The following STARD4 variants were observed in gnomAD, a reference collection of about 807,000 sequenced individuals.
STARD4 encodes StAR related lipid transfer domain containing 4, also known as stAR-related lipid transfer protein 4.
A neutral mutation model predicts 24.9 loss-of-function variants in STARD4; 33 were observed. That is an observed-to-expected ratio of 1.32 (90% CI 1.00 to 1.77). The LOEUF (loss-of-function observed/expected upper bound fraction) is 1.77, where lower values mean the gene tolerates loss of function less well. STARD4 is among the 40% of genes most tolerant of loss of function. The pLI is 0.00. For synonymous variants in STARD4, 88 were observed against 77.4 expected, an observed-to-expected ratio of 1.14 and a Z score of -0.72; for missense variants, 238 against 249.3, an observed-to-expected ratio of 0.95 and a Z score of 0.31.
chr5:111,506,493 C>T, intron 2 of STARD4, 114 bp from the exon 3 acceptor site: 1 of 444,894 alleles, frequency 2.2e-6, no homozygotes, highest in Non-Finnish European at 4.0e-6. Context: ...AAAACCAGTA[C>T]ATTTTCAGAA....
rs140015209 is a variant in STARD4 at position 111,497,518 on chromosome 5, T to A, written c.*2368A>T. On this transcript the variant is annotated 3_prime_UTR_variant, in exon 6 of 6. Coordinates refer to ENST00000296632, the MANE Select transcript of STARD4 (RefSeq NM_139164.3). The stretch of plus-strand genomic sequence containing the variant: ...TGCATACCAGATTTCAAAAAATTAG[T>A]ACAAGAAATAGTACAAACTATCAGA... 2.8e-4 allele frequency: 43 copies of A among 152,162 alleles called. No homozygotes were observed. Among genetic ancestry groups the A allele is most frequent in the Non-Finnish European group, 4.6e-4 (31 of 67,918 alleles). The allele number at this position is 152,162 out of a possible 1,614,324, so 9.4% of individuals were successfully genotyped here.
rs1756281566 is a variant in STARD4, at chr5:111,499,669, T to A, written c.*217A>T. ...CTGCCCTCCAGCATGGGCAACAGAG[T>A]GAGAGCCTGTCTCAAAATTTAAAAA... On this transcript the variant is annotated 3_prime_UTR_variant, in exon 6 of 6. Transcript: ENST00000296632. The A allele has an allele frequency of 1.9e-6, 1 of 538,934 alleles. No homozygotes were observed. Among genetic ancestry groups the A allele is most frequent in the Admixed American group, 3.3e-5 (1 of 30,706 alleles). The allele number at this position is 538,934 out of a possible 1,614,324, so 33.4% of individuals were successfully genotyped here.
Position 111,498,072 on chromosome 5 carries a change from G to A in STARD4, c.*1814C>T, listed in dbSNP as rs1756195196. On this transcript the variant is annotated 3_prime_UTR_variant, in exon 6 of 6. Transcript: ENST00000296632. ...TAAAAGTGGGTAAATTACATAATAT[G>A]TAAATTATATATCAATAAAGCTGTT... The A allele has an allele frequency of 6.6e-6, 1 of 151,998 alleles. No homozygotes were observed. The highest frequency in any genetic ancestry group is 6.6e-5 in the Admixed American group (1 of 15,254). The allele number at this position is 151,998 out of a possible 1,614,324, so 9.4% of individuals were successfully genotyped here.
At chr5:111,511,358 C>T (rs1398820059) in intron 1 of STARD4, among the ~76,000 whole-genome samples, 4 of 152,136 alleles carry the variant, frequency 2.6e-5, no homozygotes, top group Admixed American at 1.3e-4. Context: ...TCACTTACTA[C>T]ATGGTCAGTC....
At chr5:111,502,176 G>A (rs1159372751) in intron 3 of STARD4, 88 bp from the exon 4 acceptor site, 1 of 1,475,080 alleles carries the variant, frequency 6.8e-7, no homozygotes, top group Admixed American at 2.2e-5. Context: ...TGAAAGTAAG[G>A]AAAAAAATTA....
intron 4 of STARD4, 62 bp downstream of exon 4, chr5:111,501,900 C>A: frequency 6.2e-7 from 1 of 1,600,250 alleles, no homozygotes; most frequent in Non-Finnish European, 8.5e-7. Flanking sequence ...CATGCTCTGG[C>A]TCACTCATGC....
At position 111,501,410 on chromosome 5, in the gene STARD4, G is replaced by A. The variant is rs187925324; in HGVS notation, c.283-294C>T. ...TAACATTCCAAATGGAATTAGGGAT[G>A]TAGACTGTTTCAGTGTTTAAGATCA... On this transcript the variant is annotated intron_variant, in intron 4 of 5. Coordinates refer to ENST00000296632, the MANE Select transcript of STARD4 (RefSeq NM_139164.3). Among the ~76,000 whole-genome samples, 4 of 152,292 alleles carry A rather than the reference G, an allele frequency of 2.6e-5. No individual in the cohort carries two copies. In the East Asian group the frequency reaches 7.7e-4, roughly 29 times the overall value.
chr5:111,504,384 AT>A (rs1232810929), intron 3 of STARD4, among the ~76,000 whole-genome samples: 3 of 152,226 alleles, frequency 2.0e-5, no homozygotes, highest in African/African-American at 7.2e-5. Flanking sequence ...ATAATATTTA[AT>A]AAAAAAAGGC....
In STARD4 at chr5:111,503,727, C is replaced by T. The variant is rs189632467; in HGVS notation, c.156-1639G>A. Among the ~76,000 whole-genome samples the T allele has an allele frequency of 6.3e-3, 961 of 152,132 alleles. 8 individuals carry two copies. The highest frequency in any genetic ancestry group is 0.029 in the South Asian group (137 of 4,806). On this transcript the variant is annotated intron_variant, in intron 3 of 5. Transcript: ENST00000296632. ...GTGACCTCAGAGTACAGGGGGATTT[C>T]TTGAATATGTAAAACACAGAAAAAC...
chr5:111,500,602 T>C, intron 5 of STARD4: 1 of 1,112,006 alleles, frequency 9.0e-7, no homozygotes, highest in Non-Finnish European at 1.1e-6. Context: ...GTATTTTTAA[T>C]CTTGAAAAGA....
rs1198158871 is a variant in STARD4, at chr5:111,507,533, C to A, written c.-9-91G>T. ...CGAATCTGGTTTCACAATATAATAA[C>A]CTACCAGAGCTATAAAAGATAGCTA... On this transcript the variant is annotated intron_variant, in intron 1 of 5. Transcript: ENST00000296632. The surrounding 1 kb of genome is among the most constrained non-coding windows in gnomAD (Gnocchi z 4.4). 5.9e-6 allele frequency: 5 copies of A among 845,588 alleles called. No homozygotes were observed. The highest frequency in any genetic ancestry group is 1.7e-5 in the African/African-American group (1 of 57,828). 52.4% of individuals were successfully genotyped at this position (845,588 alleles called of 1,614,324 possible).
At chr5:111,505,656 G>C (rs191394253) in intron 3 of STARD4, among the ~76,000 whole-genome samples, 1 of 152,214 alleles carries the variant, frequency 6.6e-6, no homozygotes, top group East Asian at 1.9e-4. Context: ...TGCTGTGATA[G>C]AAGAGCAAGT....
At chr5:111,505,765 A>C (rs1756807820) in intron 3 of STARD4, among the ~76,000 whole-genome samples, 1 of 152,212 alleles carries the variant, frequency 6.6e-6, no homozygotes, top group Non-Finnish European at 1.5e-5. Flanking sequence ...TAGAAGGGTC[A>C]TGTATACAAT....
chr5:111,511,663 G>A (rs1206880069), intron 1 of STARD4, among the ~76,000 whole-genome samples: 1 of 152,164 alleles, frequency 6.6e-6, no homozygotes, highest in African/African-American at 2.4e-5. Flanking sequence ...AACCCAGGGC[G>A]TCTGACTTCA....
At chr5:111,501,829 C>A (rs1756472487) in intron 4 of STARD4, 133 bp downstream of exon 4, 1 of 1,266,082 alleles carries the variant, frequency 7.9e-7, no homozygotes, top group Admixed American at 2.2e-5. Context: ...CCTGTGATAT[C>A]TTTGTCGTGA....
Position 111,507,345 on chromosome 5 carries a change from C to T in STARD4, c.89G>A (p.Arg30Gln), listed in dbSNP as rs548430225. 35 of 1,611,796 alleles carry T rather than the reference C, an allele frequency of 2.2e-5. No homozygotes were observed. Among genetic ancestry groups the T allele is most frequent in the South Asian group, 8.8e-5 (8 of 90,502 alleles). The change falls in exon 2 of 6, where the codon CGA becomes CAA. Residue 30 changes from arginine (R) to glutamine (Q), a missense_variant. Transcript: ENST00000296632. This position sits in a 1 kb window ranked among gnomAD's most constrained non-coding sequence, Gnocchi z 4.4. ...QYHSIEEDKW[R>Q]VAKKTKDVTV... ...CTAATTTACCGTTTTCTTAGCAACT[C>T]GCCACTTATCTTCTTCAATGCTATG...
chr5:111,512,017 A>G (rs1220852900), intron 1 of STARD4, among the ~76,000 whole-genome samples: 3 of 152,192 alleles, frequency 2.0e-5, no homozygotes, highest in Non-Finnish European at 4.4e-5. Context: ...GGTGACCTCC[A>G]AAGAACAGGA....
At chr5:111,500,150 G>A in intron 5 of STARD4, 44 bp from the exon 6 acceptor site, 2 of 1,488,868 alleles carry the variant, frequency 1.3e-6, no homozygotes, top group South Asian at 1.4e-5. Flanking sequence ...AGCAATAACT[G>A]ACATAAAACT....
intron 5 of STARD4, 178 bp downstream of exon 5, chr5:111,500,824 G>C (rs1756382469): frequency 6.7e-7 from 1 of 1,501,246 alleles, no homozygotes; most frequent in Non-Finnish European, 8.8e-7. Context: ...TATCAGAAGG[G>C]TTTCAAAACT....
Sources: allele counts gnomAD v4.1 joint callset (sites outside exome capture counted in the v4.1 genomes callset), GRCh38; gene constraint gnomAD v4.1.1; non-coding constraint Gnocchi (gnomAD v3.1); transcripts MANE v1.5; gene names NCBI Gene and HGNC (gene_info 2026-07-23, HGNC 2026-07-21).